The following LUZP2 variants were observed in gnomAD, a reference collection of about 807,000 sequenced individuals.
LUZP2 encodes the protein leucine zipper protein 2.
LUZP2 carries 52 observed loss-of-function variants against 51.6 expected under a neutral mutation model. That is an observed-to-expected ratio of 1.01 (90% confidence interval 0.81 to 1.27). The LOEUF is 1.27. Ranked by LOEUF, LUZP2 falls within the 50% of genes most tolerant of loss-of-function variation. LUZP2 has a pLI of 0.00. For missense variants in LUZP2, 436 were observed against 395.4 expected (o/e 1.10, Z -0.87); for synonymous variants, 154 against 137.3 (o/e 1.12, Z -0.85).
At chr11:24,840,789 G>A (rs1305001924) in intron 5 of LUZP2, among the ~76,000 whole-genome samples, 1 of 151,880 alleles carries the variant, frequency 6.6e-6, no homozygotes, top group Non-Finnish European at 1.5e-5. Flanking sequence ...TAGATATTTA[G>A]GTCAAGCCTC....
intron 5 of LUZP2, among the ~76,000 whole-genome samples, chr11:24,856,560 A>T (rs923448104): frequency 2.0e-5 from 3 of 152,128 alleles, no homozygotes; most frequent in Non-Finnish European, 1.5e-5. Flanking sequence ...CATTCGATCC[A>T]GGTACACAAC....
chr11:24,920,486 C>A (rs555284553), intron 7 of LUZP2, among the ~76,000 whole-genome samples: 1 of 152,078 alleles, frequency 6.6e-6, no homozygotes, highest in East Asian at 1.9e-4. Flanking sequence ...AACTTATCTG[C>A]ACTCACAGGT....
rs1195004480 is a variant in LUZP2 at position 25,080,281 on chromosome 11, A to G, written c.*1623A>G. 1.3e-5 allele frequency: 2 copies of G among 152,142 alleles called. No homozygotes were observed. The highest frequency in any genetic ancestry group is 2.9e-5 in the Non-Finnish European group (2 of 68,032). 9.4% of individuals were successfully genotyped at this position (152,142 alleles called of 1,614,324 possible). ...TTATAAAATAGGGTTTGTGTTAGAC[A>G]ATTTGCCCAACTGTAGGATGAGGTA... On this transcript the variant is annotated 3_prime_UTR_variant, in exon 12 of 12. Coordinates refer to ENST00000336930, the MANE Select transcript of LUZP2 (RefSeq NM_001009909.4).
intron 9 of LUZP2, among the ~76,000 whole-genome samples, chr11:25,027,403 G>A (rs907566393): frequency 6.6e-6 from 1 of 151,910 alleles, no homozygotes; most frequent in Non-Finnish European, 1.5e-5. Flanking sequence ...TCAACTTTAT[G>A]TTAGTTAAAA....
intron 9 of LUZP2, among the ~76,000 whole-genome samples, chr11:24,993,943 C>T (rs1157282181): frequency 6.6e-6 from 1 of 152,144 alleles, no homozygotes. Flanking sequence ...TCACTGCAGC[C>T]TCCGCCTCCG....
At chr11:24,512,338 A>C (rs1420318623) in intron 1 of LUZP2, among the ~76,000 whole-genome samples, 1 of 151,868 alleles carries the variant, frequency 6.6e-6, no homozygotes, top group Non-Finnish European at 1.5e-5. Context: ...CCAAACCTTC[A>C]TTTTTTTATA....
At chr11:24,805,081 C>T (rs368708041) in intron 5 of LUZP2, among the ~76,000 whole-genome samples, 1 of 151,636 alleles carries the variant, frequency 6.6e-6, no homozygotes, top group South Asian at 2.1e-4. Context: ...AAGACACACC[C>T]AATACTGGGA....
chr11:24,996,834 G>T (rs1856517341), intron 9 of LUZP2, among the ~76,000 whole-genome samples: 1 of 151,626 alleles, frequency 6.6e-6, no homozygotes, highest in Non-Finnish European at 1.5e-5. Flanking sequence ...TGTTCTCATT[G>T]TTTAATTCCC....
intron 1 of LUZP2, among the ~76,000 whole-genome samples, chr11:24,578,578 A>G (rs2133816824): frequency 6.6e-6 from 1 of 152,090 alleles, no homozygotes; most frequent in Admixed American, 6.6e-5. Context: ...AAAAAAATGG[A>G]AAAGAAACAC....
chr11:24,777,383 C>T (rs62992360), intron 5 of LUZP2, among the ~76,000 whole-genome samples: 1 of 39,516 alleles, frequency 2.5e-5, no homozygotes, highest in Non-Finnish European at 7.0e-5. Flanking sequence ...TAAATTCATG[C>T]GGGGGGATCC....
At chr11:24,843,362 T>C (rs1285025873) in intron 5 of LUZP2, among the ~76,000 whole-genome samples, 2 of 152,156 alleles carry the variant, frequency 1.3e-5, no homozygotes, top group Non-Finnish European at 2.9e-5. Flanking sequence ...GGTGATTTTT[T>C]GGTGCAACAA....
chr11:24,809,780 G>A (rs12292829), intron 5 of LUZP2, among the ~76,000 whole-genome samples: 2,331 of 151,952 alleles, frequency 0.015, 62 homozygotes, highest in African/African-American at 0.053. Context: ...GTGTTACATT[G>A]TGTTACATTA....
At chr11:24,913,130 A>G (rs1434205463) in intron 6 of LUZP2, among the ~76,000 whole-genome samples, 1 of 152,202 alleles carries the variant, frequency 6.6e-6, no homozygotes, top group Non-Finnish European at 1.5e-5. Flanking sequence ...GATTCAAAAC[A>G]TAGAATTTTT....
intron 7 of LUZP2, among the ~76,000 whole-genome samples, chr11:24,942,954 A>T (rs1054030978): frequency 6.6e-6 from 1 of 152,184 alleles, no homozygotes; most frequent in Non-Finnish European, 1.5e-5. Context: ...GATCAGTTAC[A>T]TCATAATTTA....
At chr11:24,649,663 G>A (rs1473192401) in intron 1 of LUZP2, among the ~76,000 whole-genome samples, 1 of 151,848 alleles carries the variant, frequency 6.6e-6, no homozygotes, top group Non-Finnish European at 1.5e-5. Flanking sequence ...TTCAGTAATA[G>A]CGATAGGTGT....
chr11:24,685,561 GT>G (rs1455930530), intron 1 of LUZP2, among the ~76,000 whole-genome samples: 3 of 152,048 alleles, frequency 2.0e-5, no homozygotes, highest in Non-Finnish European at 4.4e-5. Context: ...CTCCCACACT[GT>G]TACTAATATC....
chr11:24,689,680 A>G (rs559738020), intron 1 of LUZP2, among the ~76,000 whole-genome samples: 14 of 152,166 alleles, frequency 9.2e-5, no homozygotes, highest in Non-Finnish European at 4.4e-5. Context: ...TTTAACAGAC[A>G]GACCTTTATC....
At chr11:24,980,423 T>C (rs1855995273) in intron 8 of LUZP2, among the ~76,000 whole-genome samples, 1 of 151,652 alleles carries the variant, frequency 6.6e-6, no homozygotes, top group Non-Finnish European at 1.5e-5. Context: ...TTTTTTAATA[T>C]ATGAAATAAT....
chr11:24,596,356 A>G (rs925609502), intron 1 of LUZP2, among the ~76,000 whole-genome samples: 7 of 152,242 alleles, frequency 4.6e-5, no homozygotes, highest in African/African-American at 1.4e-4. Context: ...GAAAAGATTA[A>G]TGCTGCTGAA....
Sources: gnomAD v4.1 joint callset for allele counts (sites outside exome capture counted in the v4.1 genomes callset) on GRCh38, gnomAD v4.1.1 for gene constraint, MANE v1.5 for transcripts, NCBI Gene and HGNC (gene_info 2026-07-23, HGNC 2026-07-21) for gene names.